The following ADGRG5 variants were observed in gnomAD, a reference collection of about 807,000 sequenced individuals.
ADGRG5 encodes adhesion G protein-coupled receptor G5, also known as G protein-coupled receptor 114.
A neutral mutation model predicts 53.2 loss-of-function variants in ADGRG5; 37 were observed. That is an observed-to-expected ratio of 0.70 (90% CI 0.53 to 0.91). The LOEUF (loss-of-function observed/expected upper bound fraction) is 0.91. Ranked by LOEUF, ADGRG5 falls within the 40% of genes least tolerant of loss-of-function variation. The pLI is 0.00. For missense variants in ADGRG5, 614 were observed against 675.8 expected (o/e 0.91, Z 1.01); for synonymous variants, 277 against 290.4 (o/e 0.95, Z 0.47).
intron 1 of ADGRG5, chr16:57,542,921 T>G (rs1159187540): frequency 6.6e-6 from 1 of 152,194 alleles, no homozygotes; most frequent in Non-Finnish European, 1.5e-5. Flanking sequence ...AGGGGCAATT[T>G]AAATTAAGAA....
intron 5 of ADGRG5, among the ~76,000 whole-genome samples, 167 bp from the exon 6 acceptor site, chr16:57,564,867 A>AAGGCTGGG (rs148143320): frequency 0.1 from 15,163 of 151,156 alleles, 1,668 homozygotes; most frequent in African/African-American, 0.28. Context: ...AGCACATGCA[A>AAGGCTGGG]AGGCTGGGAG....
the ADGRG5 span, among the ~76,000 whole-genome samples, chr16:57,536,120 A>T: frequency 6.6e-6 from 1 of 151,410 alleles, no homozygotes; most frequent in Non-Finnish European, 1.5e-5. Context: ...CCGTGCTCTG[A>T]TTGGCCAGCG....
the ADGRG5 span, among the ~76,000 whole-genome samples, chr16:57,533,304 CAG>C: frequency 3.3e-5 from 5 of 152,028 alleles, no homozygotes; most frequent in Non-Finnish European, 5.9e-5. Flanking sequence ...TCGGGGTCCT[CAG>C]GGGAGTTTTC....
chr16:57,568,197 T>TGCTGTGGGATCCC, intron 9 of ADGRG5, 73 bp downstream of exon 9: 1 of 1,475,820 alleles, frequency 6.8e-7, no homozygotes. Flanking sequence ...TAGTCCTTTC[T>TGCTGTGGGATCCC]TTCCCCTCCT....
chr16:57,567,074 G>A (rs964536618), intron 7 of ADGRG5, among the ~76,000 whole-genome samples: 2 of 152,188 alleles, frequency 1.3e-5, no homozygotes, highest in African/African-American at 2.4e-5. Context: ...CCAGGCTCAT[G>A]CCCTGCTAGC....
upstream of ADGRG5, among the ~76,000 whole-genome samples, chr16:57,540,886 G>A (rs1598087576): frequency 1.3e-5 from 2 of 152,284 alleles, no homozygotes; most frequent in South Asian, 4.2e-4. Context: ...CACCTCCCGG[G>A]TTTAAGCGAT....
chr16:57,541,534 G>T (rs1229478167), upstream of ADGRG5, among the ~76,000 whole-genome samples: 1 of 152,186 alleles, frequency 6.6e-6, no homozygotes, highest in East Asian at 1.9e-4. Flanking sequence ...CCAAGGAGCA[G>T]CTCCCTCCTG....
rs186923997 is a variant in ADGRG5 at position 57,556,010 on chromosome 16, G to A, written c.-38-6046G>A. Among the ~76,000 whole-genome samples the A allele has an allele frequency of 4.6e-3, 700 of 151,700 alleles. 8 individuals carry two copies. The highest frequency in any genetic ancestry group is 0.016 in the African/African-American group (669 of 41,312). ...GTGAAGACATGCTTGCTTCCCCTTC[G>A]CCTCCCGCCATGATTGTAAGTTTCC... is the stretch of plus-strand genomic sequence containing the variant. On this transcript the variant is annotated intron_variant, in intron 1 of 11. Transcript: ENST00000349457.
the ADGRG5 span, among the ~76,000 whole-genome samples, chr16:57,534,864 G>A: frequency 1.3e-5 from 2 of 152,222 alleles, no homozygotes; most frequent in Admixed American, 6.5e-5. Context: ...TTTACCTGGG[G>A]AAGCCTAATT....
At chr16:57,541,994 G>A (rs1305051961), upstream of ADGRG5, among the ~76,000 whole-genome samples, 5 of 152,188 alleles carry the variant, frequency 3.3e-5, no homozygotes, top group African/African-American at 1.2e-4. Flanking sequence ...TGGGCTTCAG[G>A]TCCCTCATCT....
chr16:57,534,465 C>A, the ADGRG5 span, among the ~76,000 whole-genome samples: 1 of 152,334 alleles, frequency 6.6e-6, no homozygotes, highest in Non-Finnish European at 1.5e-5. Context: ...CTCCTTCCTT[C>A]ATCAGCAAAC....
chr16:57,568,613 C>T (rs920372086), intron 9 of ADGRG5, among the ~76,000 whole-genome samples: 1 of 151,042 alleles, frequency 6.6e-6, no homozygotes, highest in Non-Finnish European at 1.5e-5. Context: ...ATCATCACCT[C>T]CTCCACCTCC....
chr16:57,575,845 C>T lies in ADGRG5; in HGVS notation c.*307C>T, dbSNP rs1476118056. The T allele has an allele frequency of 2.7e-5, 10 of 371,638 alleles. No homozygotes were observed. The highest frequency in any genetic ancestry group is 4.6e-5 in the Non-Finnish European group (9 of 195,754). 23.0% of individuals were successfully genotyped at this position (371,638 alleles called of 1,614,324 possible). On this transcript the variant is annotated 3_prime_UTR_variant, in exon 12 of 12. Transcript: ENST00000349457. The stretch of plus-strand genomic sequence containing the variant: ...GCCTGGGCATCAGGAAGCCAAGTTT[C>T]AAGGACTGTCTTTGAGTCTGTCTGT...
intron 5 of ADGRG5, among the ~76,000 whole-genome samples, chr16:57,564,312 ATT>A (rs5817100): frequency 2.6e-4 from 36 of 139,688 alleles, no homozygotes; most frequent in Middle Eastern, 3.8e-3. Flanking sequence ...GACCTTACAG[ATT>A]TTTTTTTTTT....
intron 6 of ADGRG5, 121 bp downstream of exon 6, chr16:57,565,271 A>G: frequency 1.5e-6 from 1 of 665,958 alleles, no homozygotes; most frequent in Non-Finnish European, 2.7e-6. Context: ...CACACTTTGA[A>G]AATTCCTGCT....
In ADGRG5 at chr16:57,575,779, G is replaced by T; in HGVS notation, c.*241G>T. On this transcript the variant is annotated 3_prime_UTR_variant, in exon 12 of 12. Coordinates refer to ENST00000349457, the MANE Select transcript of ADGRG5 (RefSeq NM_001304376.3). ...ACCTGGGGCAGCAAACTTTGTCCTGGTACCTGGGCCCAGCTCGCCAGGGAT... is the reference window on the plus strand; with the variant it reads ...ACCTGGGGCAGCAAACTTTGTCCTGTTACCTGGGCCCAGCTCGCCAGGGAT... The T allele has an allele frequency of 2.0e-6, 1 of 502,830 alleles. No homozygotes were observed. Among genetic ancestry groups the T allele is most frequent in the African/African-American group, 1.9e-5 (1 of 51,906 alleles). The allele number at this position is 502,830 out of a possible 1,614,324, so 31.1% of individuals were successfully genotyped here.
At chr16:57,563,709 G>A in intron 4 of ADGRG5, 139 bp from the exon 5 acceptor site, 1 of 1,065,100 alleles carries the variant, frequency 9.4e-7, no homozygotes, top group East Asian at 2.4e-5. Context: ...AAGTTTGGGA[G>A]GAGATGCAGC....
At chr16:57,555,566 A>G (rs767740699) in intron 1 of ADGRG5, among the ~76,000 whole-genome samples, 1 of 152,168 alleles carries the variant, frequency 6.6e-6, no homozygotes, top group South Asian at 2.1e-4. Context: ...TTTTGCAACT[A>G]TAAGTGTTGG....
the ADGRG5 span, among the ~76,000 whole-genome samples, chr16:57,537,633 C>T: frequency 0.015 from 2,246 of 152,254 alleles, 45 homozygotes; most frequent in African/African-American, 0.052. Flanking sequence ...TCAAGGATCA[C>T]TCTGAATCCT....
Sources: gnomAD v4.1 joint callset for allele counts (sites outside exome capture counted in the v4.1 genomes callset) on GRCh38, gnomAD v4.1.1 for gene constraint, MANE v1.5 for transcripts, NCBI Gene and HGNC (gene_info 2026-07-23, HGNC 2026-07-21) for gene names.